Variants in ARHGAP28 observed in about 807,000 individuals in gnomAD.
ARHGAP28 encodes the protein Rho GTPase activating protein 28, also known as rho GTPase-activating protein 28.
ARHGAP28 carries 56 observed loss-of-function variants against 90.7 expected under a neutral mutation model. The observed-to-expected ratio is 0.62, with a 90% CI of 0.50 to 0.77. The LOEUF (loss-of-function observed/expected upper bound fraction) is 0.77. Among genes scored for constraint, ARHGAP28 ranks in the 30% least tolerant of loss-of-function variants. The pLI is 0.00. For missense variants in ARHGAP28, 869 were observed against 900.9 expected, an observed-to-expected ratio of 0.96 and a Z score of 0.45; for synonymous variants, 308 against 323.3, an observed-to-expected ratio of 0.95 and a Z score of 0.51.
chr18:6,829,271 A>C (rs754006270), intron 2 of ARHGAP28, among the ~76,000 whole-genome samples: 13 of 152,138 alleles, frequency 8.5e-5, no homozygotes, highest in Non-Finnish European at 1.6e-4. Flanking sequence ...ATTCATATTA[A>C]ACACCACAAG....
At chr18:6,811,842 T>C (rs2143692022) in intron 1 of ARHGAP28, among the ~76,000 whole-genome samples, 1 of 152,340 alleles carries the variant, frequency 6.6e-6, no homozygotes, top group Admixed American at 6.5e-5. Flanking sequence ...CCATTAATTA[T>C]TAATTTTTGT....
chr18:6,733,215 A>C (rs2055897801), intron 1 of ARHGAP28, among the ~76,000 whole-genome samples: 1 of 152,322 alleles, frequency 6.6e-6, no homozygotes, highest in Non-Finnish European at 1.5e-5. Flanking sequence ...AGGAATCCTC[A>C]GATTTAAGTT....
At chr18:6,792,467 G>A (rs1238813319) in intron 1 of ARHGAP28, among the ~76,000 whole-genome samples, 2 of 152,222 alleles carry the variant, frequency 1.3e-5, no homozygotes, top group Non-Finnish European at 2.9e-5. Flanking sequence ...AGTCCTGCAT[G>A]ACACAGGACA....
In ARHGAP28 at chr18:6,877,615, G is replaced by A. The variant is rs532014172; in HGVS notation, c.1290+1407G>A. ...GGCTCCGGGCATGTTGAGGGGTTAC[G>A]GCTTCCCTGAGAGTGGAGTTGGCTG... On this transcript the variant is annotated intron_variant, in intron 10 of 17. Transcript: ENST00000383472. Among the ~76,000 whole-genome samples the A allele has an allele frequency of 5.3e-5, 8 of 152,290 alleles. 1 individual carries two copies. The highest frequency in any genetic ancestry group is 1.4e-4 in the African/African-American group (6 of 41,572).
chr18:6,908,881 T>A, intron 16 of ARHGAP28, 79 bp from the exon 17 acceptor site: 1 of 806,428 alleles, frequency 1.2e-6, no homozygotes, highest in Non-Finnish European at 2.1e-6. Context: ...AATTGTTTGT[T>A]GCCTGGTTAT....
At chr18:6,802,170 G>A (rs1403957889) in intron 1 of ARHGAP28, among the ~76,000 whole-genome samples, 1 of 151,972 alleles carries the variant, frequency 6.6e-6, no homozygotes, top group Non-Finnish European at 1.5e-5. Context: ...CCATTGATGA[G>A]CATTTAGCTT....
chr18:6,895,824 G>T (rs1208216820), intron 15 of ARHGAP28, among the ~76,000 whole-genome samples: 1 of 152,204 alleles, frequency 6.6e-6, no homozygotes, highest in African/African-American at 2.4e-5. Flanking sequence ...GGGAGACACA[G>T]TTCAAACCAT....
chr18:6,810,335 C>G (rs1051251863), intron 1 of ARHGAP28, among the ~76,000 whole-genome samples: 3 of 152,082 alleles, frequency 2.0e-5, no homozygotes, highest in African/African-American at 7.2e-5. Flanking sequence ...GGAAAGATTC[C>G]AAGCCCAGGG....
At chr18:6,845,928 G>A (rs1431902161) in intron 3 of ARHGAP28, among the ~76,000 whole-genome samples, 1 of 152,154 alleles carries the variant, frequency 6.6e-6, no homozygotes, top group South Asian at 2.1e-4. Context: ...GTCCATTTTA[G>A]TACAGAGTTT....
At chr18:6,880,218 A>G (rs1029002433) in intron 10 of ARHGAP28, among the ~76,000 whole-genome samples, 1 of 152,140 alleles carries the variant, frequency 6.6e-6, no homozygotes, top group African/African-American at 2.4e-5. Context: ...GTCTTGGAAA[A>G]TCATCTCGGA....
intron 2 of ARHGAP28, among the ~76,000 whole-genome samples, chr18:6,826,404 A>C (rs1322397464): frequency 6.7e-6 from 1 of 150,020 alleles, no homozygotes; most frequent in Non-Finnish European, 1.5e-5. Flanking sequence ...TAGTTTGTGA[A>C]TATTTTCTCC....
intron 1 of ARHGAP28, among the ~76,000 whole-genome samples, chr18:6,731,268 CTAAA>C (rs903247311): frequency 1.1e-4 from 16 of 148,856 alleles, no homozygotes; most frequent in South Asian, 6.4e-4. Context: ...TTATGACTAA[CTAAA>C]TAAATATATA....
rs530797059 is a variant in ARHGAP28, at chr18:6,882,341, G to A, written c.1453+42G>A. The stretch of plus-strand genomic sequence containing the variant: ...ATATGTGAATACGCTAAGATATAAG[G>A]TCAATAAAGTGAGAGCAGAAGAGAG... On this transcript the variant is annotated intron_variant, in intron 11 of 17. Coordinates refer to ENST00000383472, the MANE Select transcript of ARHGAP28 (RefSeq NM_001366230.1). 4 of 1,562,570 alleles carry A rather than the reference G, an allele frequency of 2.6e-6. No homozygotes were observed. The African/African-American group carries it at 4.1e-5, about 16-fold the overall frequency.
At chr18:6,872,723 G>A (rs2143543431) in intron 7 of ARHGAP28, among the ~76,000 whole-genome samples, 1 of 152,234 alleles carries the variant, frequency 6.6e-6, no homozygotes, top group African/African-American at 2.4e-5. Context: ...ATTTGCTGCT[G>A]TTGTTGTTTT....
chr18:6,743,606 GA>G (rs1477998711), intron 1 of ARHGAP28, among the ~76,000 whole-genome samples: 1 of 152,068 alleles, frequency 6.6e-6, no homozygotes, highest in Non-Finnish European at 1.5e-5. Context: ...ATAGAAATAA[GA>G]ATAATAAAAA....
At chr18:6,756,613 T>C (rs959596335) in intron 1 of ARHGAP28, among the ~76,000 whole-genome samples, 4 of 152,184 alleles carry the variant, frequency 2.6e-5, no homozygotes, top group African/African-American at 4.8e-5. Flanking sequence ...TATGTATATA[T>C]GAAAGGGAGT....
rs1443377221 is a variant in ARHGAP28 at position 6,824,787 on chromosome 18, A to T, written c.148A>T (p.Ile50Phe). Residue 50 changes from isoleucine (I) to phenylalanine (F), a missense_variant, in exon 2 of 18, where the codon ATT becomes TTT. Physicochemically the swap from Ile to Phe is conservative, Grantham distance 21. Transcript: ENST00000383472. ...SRKSIPRCRR[I>F]NRMLSNESLH... ...AAAATCCATTCCTCGCTGCCGAAGA[A>T]TTAACAGGATGCTCTCCAATGAATC... 2.0e-6 allele frequency: 3 copies of T among 1,535,604 alleles called. No homozygotes were observed. Among genetic ancestry groups the T allele is most frequent in the Non-Finnish European group, 2.6e-6 (3 of 1,146,676 alleles).
At chr18:6,760,100 A>G (rs1008335352) in intron 1 of ARHGAP28, among the ~76,000 whole-genome samples, 1 of 152,204 alleles carries the variant, frequency 6.6e-6, no homozygotes, top group African/African-American at 2.4e-5. Flanking sequence ...ATGCCTGCCT[A>G]TGTAAGTTCA....
At chr18:6,827,306 C>G (rs1414657460) in intron 2 of ARHGAP28, among the ~76,000 whole-genome samples, 1 of 148,022 alleles carries the variant, frequency 6.8e-6, no homozygotes, top group Non-Finnish European at 1.5e-5. Flanking sequence ...GGCGGCTGGC[C>G]GGGCGGGGGG....
Sources: allele counts gnomAD v4.1 joint callset (sites outside exome capture counted in the v4.1 genomes callset), GRCh38; gene constraint gnomAD v4.1.1; transcripts MANE v1.5; gene names NCBI Gene and HGNC (gene_info 2026-07-23, HGNC 2026-07-21).